Variants in LEO1 observed in about 807,000 individuals in gnomAD.
LEO1 encodes LEO1 component of Paf1/RNA polymerase II complex, also known as RNA polymerase-associated protein LEO1.
Under a neutral mutation model 80.4 loss-of-function variants are expected in LEO1, and 34 were observed. The observed-to-expected ratio is 0.42, with a 90% confidence interval of 0.32 to 0.56. LEO1 has a LOEUF of 0.56. Ranked by LOEUF, LEO1 falls within the 20% of genes least tolerant of loss-of-function variation. LEO1 has a pLI of 0.10. For synonymous variants in LEO1, 262 were observed against 274.9 expected, an observed-to-expected ratio of 0.95 and a Z score of 0.46; for missense variants, 631 against 814.2, an observed-to-expected ratio of 0.77 and a Z score of 2.74.
Position 51,966,048 on chromosome 15 carries a change from T to C in LEO1, c.515A>G (p.Asp172Gly). 1 of 1,614,116 alleles carries C rather than the reference T, an allele frequency of 6.2e-7. No homozygotes were observed. The highest frequency in any genetic ancestry group is 8.5e-7 in the Non-Finnish European group (1 of 1,180,034). ...SDDEERAQGS[D>G]EDKLQNSDDD... is the part of the protein sequence containing the mutation. ...GTCAGAATTCTGCAGCTTATCTTCA[T>C]CAGATCCTTGTGCCCTCTCCTCATC... The change falls in exon 2 of 12, where the codon GAT becomes GGT. Residue 172 changes from aspartate (D) to glycine (G), a missense_variant. This residue lies in a region of LEO1 where 394 missense variants were observed against 395.6 expected (regional missense o/e 1.00). Coordinates refer to ENST00000299601, the MANE Select transcript of LEO1 (RefSeq NM_138792.4).
At chr15:51,939,730 A>G (rs1314597118) in intron 11 of LEO1, among the ~76,000 whole-genome samples, 2 of 152,258 alleles carry the variant, frequency 1.3e-5, no homozygotes, top group Admixed American at 1.3e-4. Flanking sequence ...TAACCTTCCA[A>G]AAGTGAGCCT....
intron 2 of LEO1, among the ~76,000 whole-genome samples, chr15:51,963,897 CA>C (rs1217618326): frequency 0.044 from 2,544 of 57,454 alleles, 90 homozygotes; most frequent in African/African-American, 0.16. Flanking sequence ...GACTCTGTCT[CA>C]AAAAAAAAAA....
At chr15:51,962,935 C>CCCCA (rs138933224) in intron 2 of LEO1, among the ~76,000 whole-genome samples, 3 of 150,500 alleles carry the variant, frequency 2.0e-5, no homozygotes, top group African/African-American at 7.3e-5. Flanking sequence ...GCCCCCCCCC[C>CCCCA]AAAAAATTAA....
At chr15:51,956,993 AT>A (rs966616754) in intron 6 of LEO1, among the ~76,000 whole-genome samples, 2 of 151,282 alleles carry the variant, frequency 1.3e-5, no homozygotes, top group Non-Finnish European at 2.9e-5. Flanking sequence ...CTGCTGGCTA[AT>A]TTTTTTTTAT....
chr15:51,959,767 G>A (rs1252397281), intron 5 of LEO1, 132 bp downstream of exon 5: 9 of 766,276 alleles, frequency 1.2e-5, no homozygotes, highest in South Asian at 2.1e-5. Context: ...GGATGTGCTT[G>A]ACTAATTTTT....
chr15:51,947,540 C>G, intron 10 of LEO1, 151 bp from the exon 11 acceptor site: 1 of 606,062 alleles, frequency 1.7e-6, no homozygotes, highest in South Asian at 1.9e-5. Context: ...CTCAGCCTCC[C>G]AAGTAGGTGG....
At chr15:51,965,220 T>C (rs2057065367) in intron 2 of LEO1, among the ~76,000 whole-genome samples, 1 of 152,240 alleles carries the variant, frequency 6.6e-6, no homozygotes, top group Non-Finnish European at 1.5e-5. Context: ...TTCAATTTTA[T>C]ACATTAATAT....
chr15:51,958,756 TG>T lies in LEO1; in HGVS notation c.1230del (p.Arg411GlyfsTer2). On this transcript the variant is annotated frameshift_variant, in exon 6 of 12. Coordinates refer to ENST00000299601, the MANE Select transcript of LEO1 (RefSeq NM_138792.4). LOFTEE classifies it high-confidence loss of function. The part of the protein sequence containing the change: ...DEEMLDEEGR[T>X]RLKLKVENTI... The stretch of plus-strand genomic sequence containing the variant: ...TGAAATGGTACCTTTAATTTTAACC[TG>T]GTTCTACCTTCTTCATCCAGCATTT... 6.3e-7 allele frequency: 1 copy of T among 1,588,944 alleles called. No homozygotes were observed. The highest frequency in any genetic ancestry group is 8.6e-7 in the Non-Finnish European group (1 of 1,164,236).
intron 11 of LEO1, among the ~76,000 whole-genome samples, chr15:51,942,123 C>T (rs1397732341): frequency 1.3e-5 from 2 of 152,198 alleles, no homozygotes; most frequent in Admixed American, 6.5e-5. Context: ...CAGAGAGGGA[C>T]TTAGAACAGG....
At chr15:51,958,660 C>T (rs2057007729) in intron 6 of LEO1, 82 bp downstream of exon 6, 1 of 831,948 alleles carries the variant, frequency 1.2e-6, no homozygotes, top group East Asian at 2.5e-5. Context: ...AAAAAAATCA[C>T]TTTCAAAAGC....
Position 51,965,859 on chromosome 15 carries a change from GGTT to G in LEO1, c.701_703del (p.Gln234del). 2 of 1,614,004 alleles carry G rather than the reference GGTT, an allele frequency of 1.2e-6. No individual in the cohort carries two copies. The highest frequency in any genetic ancestry group is 2.2e-5 in the East Asian group (1 of 44,882). ...CATTTTCTCTTCATCAGACAGCTGT[GGTT>G]GTTCTTCATCATCAGAATTCTGTTT... On this transcript the variant is annotated inframe_deletion, in exon 2 of 12. Coordinates refer to ENST00000299601, the MANE Select transcript of LEO1 (RefSeq NM_138792.4).
At chr15:51,968,112 G>A (rs1595949090) in intron 1 of LEO1, among the ~76,000 whole-genome samples, 1 of 152,210 alleles carries the variant, frequency 6.6e-6, no homozygotes, top group African/African-American at 2.4e-5. Context: ...GAACCCAGGA[G>A]ATGGAGGTTG....
chr15:51,945,438 A>G (rs1274899674), intron 11 of LEO1, among the ~76,000 whole-genome samples: 2 of 151,894 alleles, frequency 1.3e-5, no homozygotes, highest in Non-Finnish European at 2.9e-5. Flanking sequence ...TTCTGCATGC[A>G]ACACTCTCCA....
chr15:51,950,507 C>T (rs774447105), intron 9 of LEO1, among the ~76,000 whole-genome samples: 1 of 152,146 alleles, frequency 6.6e-6, no homozygotes, highest in East Asian at 1.9e-4. Flanking sequence ...GGTTGGGGAG[C>T]GTCCTAGAGC....
chr15:51,952,139 A>G (rs2056954326), intron 8 of LEO1, 160 bp from the exon 9 acceptor site: 9 of 523,304 alleles, frequency 1.7e-5, no homozygotes, highest in Non-Finnish European at 3.0e-5. Context: ...GAAGATTGTG[A>G]GTTTTCTTCA....
At chr15:51,965,493 C>G (rs890538626) in intron 2 of LEO1, among the ~76,000 whole-genome samples, 5 of 152,266 alleles carry the variant, frequency 3.3e-5, no homozygotes, top group Admixed American at 1.3e-4. Context: ...CCCTCTAAGA[C>G]TCAATTTTAA....
intron 5 of LEO1, 86 bp downstream of exon 5, chr15:51,959,813 T>C (rs1469148076): frequency 2.4e-6 from 3 of 1,269,270 alleles, no homozygotes; most frequent in Admixed American, 2.7e-5. Flanking sequence ...TTTTTGTGAT[T>C]TGTCAACTCA....
chr15:51,965,552 G>A (rs1431479762), intron 2 of LEO1, among the ~76,000 whole-genome samples, 197 bp downstream of exon 2: 1 of 152,128 alleles, frequency 6.6e-6, no homozygotes, highest in East Asian at 1.9e-4. Context: ...ACAAATGGAA[G>A]GGAAAGGAGT....
intron 5 of LEO1, among the ~76,000 whole-genome samples, 179 bp from the exon 6 acceptor site, chr15:51,959,005 T>C (rs1248190565): frequency 1.4e-5 from 2 of 138,360 alleles, no homozygotes; most frequent in African/African-American, 5.4e-5. Context: ...TACTTTTTTC[T>C]TTTTTTTTTT....
Sources: allele counts gnomAD v4.1 joint callset (sites outside exome capture counted in the v4.1 genomes callset), GRCh38; gene constraint gnomAD v4.1.1; regional missense constraint gnomAD v4.1.1; transcripts MANE v1.5; gene names NCBI Gene and HGNC (gene_info 2026-07-23, HGNC 2026-07-21).